The following LCORL variants were observed in gnomAD, a reference collection of about 807,000 sequenced individuals.
LCORL encodes ligand-dependent nuclear receptor corepressor-like protein.
Under a neutral mutation model 141.8 loss-of-function variants are expected in LCORL, and 41 were observed. The ratio of observed to expected loss-of-function variants is 0.29; its 90% CI spans 0.23 to 0.38. The LOEUF is 0.38. Ranked by LOEUF, LCORL falls within the 10% of genes least tolerant of loss-of-function variation. The probability of loss-of-function intolerance (pLI) is 1.00; values close to 1 mark genes in which losing one functional copy is unlikely to be tolerated. For missense variants in LCORL, 1,759 were observed against 2,035.0 expected, an observed-to-expected ratio of 0.86 and a Z score of 2.61; for synonymous variants, 618 against 694.1, an observed-to-expected ratio of 0.89 and a Z score of 1.72.
intron 4 of LCORL, 42 bp downstream of exon 4, chr4:17,961,861 T>C (rs1713859844): frequency 6.4e-7 from 1 of 1,567,656 alleles, no homozygotes; most frequent in South Asian, 1.2e-5. Flanking sequence ...ACATTTTACA[T>C]CTCTATTGCA....
At chr4:17,976,000 C>A (rs945283364) in intron 1 of LCORL, among the ~76,000 whole-genome samples, 1 of 151,884 alleles carries the variant, frequency 6.6e-6, no homozygotes, top group Non-Finnish European at 1.5e-5. Flanking sequence ...TTTTATGTCC[C>A]CTTTGTGAAT....
chr4:17,966,133 A>T (rs918250147), intron 2 of LCORL, among the ~76,000 whole-genome samples: 1 of 152,086 alleles, frequency 6.6e-6, no homozygotes, highest in East Asian at 1.9e-4. Context: ...TCATAATCCC[A>T]TCATCCGTAG....
At chr4:17,893,446 GCAAA>G (rs1729413481) in intron 5 of LCORL, 1 of 985,032 alleles carries the variant, frequency 1.0e-6, no homozygotes, top group Non-Finnish European at 1.2e-6. Context: ...TATAAATTAT[GCAAA>G]CAGTTTACAG....
intron 5 of LCORL, among the ~76,000 whole-genome samples, chr4:17,894,542 C>T (rs1174133494): frequency 6.6e-6 from 1 of 152,002 alleles, no homozygotes; most frequent in Non-Finnish European, 1.5e-5. Flanking sequence ...TTATGAAAAA[C>T]GTTTTCAAGA....
chr4:17,909,086 A>T lies in LCORL; in HGVS notation c.682+8T>A. On this transcript the variant is annotated splice_region_variant and intron_variant, in intron 5 of 7. Coordinates refer to ENST00000635767, the Ensembl canonical transcript of LCORL. Reference sequence around the variant, plus strand: ...AATTATATATTAAATGCACACAAAAAATCTTACCTTGCTGAGTATTTTGTT... The same window carrying T: ...AATTATATATTAAATGCACACAAAATATCTTACCTTGCTGAGTATTTTGTT... 6.3e-7 allele frequency: 1 copy of T among 1,577,076 alleles called. No individual in the cohort carries two copies. Among genetic ancestry groups the T allele is most frequent in the African/African-American group, 1.4e-5 (1 of 73,378 alleles).
At chr4:17,966,854 A>T (rs778533011) in intron 2 of LCORL, among the ~76,000 whole-genome samples, 1 of 152,212 alleles carries the variant, frequency 6.6e-6, no homozygotes, top group Non-Finnish European at 1.5e-5. Flanking sequence ...GAAATGGTAC[A>T]GCTACCATTG....
chr4:17,954,800 G>A (rs776041634), intron 4 of LCORL, among the ~76,000 whole-genome samples: 1 of 152,184 alleles, frequency 6.6e-6, no homozygotes, highest in Non-Finnish European at 1.5e-5. Context: ...CTTTCAGCTT[G>A]ACCAACTGAG....
intron 4 of LCORL, among the ~76,000 whole-genome samples, chr4:17,920,661 C>T (rs1007614294): frequency 6.6e-6 from 1 of 152,224 alleles, no homozygotes; most frequent in Non-Finnish European, 1.5e-5. Flanking sequence ...CTCTCAAACC[C>T]TGCCACTCCT....
At chr4:17,859,379 A>G (rs2109125677) in intron 7 of LCORL, among the ~76,000 whole-genome samples, 1 of 152,322 alleles carries the variant, frequency 6.6e-6, no homozygotes. Flanking sequence ...GTACTAAGAG[A>G]AAAATATGGT....
intron 1 of LCORL, among the ~76,000 whole-genome samples, chr4:17,992,311 C>T (rs1720167915): frequency 1.3e-5 from 2 of 152,112 alleles, no homozygotes; most frequent in Admixed American, 1.3e-4. Flanking sequence ...AACTCACTAT[C>T]CCAAGAACAG....
chr4:17,982,786 A>G (rs1041630648), intron 1 of LCORL, among the ~76,000 whole-genome samples: 1 of 151,920 alleles, frequency 6.6e-6, no homozygotes, highest in African/African-American at 2.4e-5. Context: ...CCATTTGCCA[A>G]TTTTTGTTTT....
chr4:18,005,548 G>A (rs1021868761), intron 1 of LCORL, among the ~76,000 whole-genome samples: 6 of 152,320 alleles, frequency 3.9e-5, no homozygotes, highest in African/African-American at 1.4e-4. Context: ...TTCTCCATGA[G>A]AGCCCAGCCC....
intron 1 of LCORL, among the ~76,000 whole-genome samples, chr4:18,019,638 T>C (rs1029584522): frequency 5.9e-5 from 9 of 152,202 alleles, no homozygotes; most frequent in Non-Finnish European, 1.0e-4. Flanking sequence ...TCTATCTATT[T>C]TTATGATGCA....
At chr4:17,856,880 C>T (rs1724421758) in intron 7 of LCORL, among the ~76,000 whole-genome samples, 1 of 152,170 alleles carries the variant, frequency 6.6e-6, no homozygotes, top group African/African-American at 2.4e-5. Flanking sequence ...CCTAGAAACT[C>T]CTTTCTATCA....
At chr4:17,843,451 T>TAA in exon 8 of LCORL, 1 of 1,607,442 alleles carries the variant, frequency 6.2e-7, no homozygotes, top group Non-Finnish European at 8.5e-7. Context: ...TGGAATCCTT[T>TAA]AAGATTATGT....
intron 1 of LCORL, among the ~76,000 whole-genome samples, chr4:18,011,772 C>T (rs1459781473): frequency 6.6e-6 from 1 of 152,208 alleles, no homozygotes; most frequent in African/African-American, 2.4e-5. Flanking sequence ...AGGTGAGTAG[C>T]TGCAATAGAG....
rs558223733 is a variant in LCORL, at chr4:18,021,392, G to A, written c.154+206C>T. On this transcript the variant is annotated intron_variant, in intron 1 of 7. Coordinates refer to ENST00000635767, the Ensembl canonical transcript of LCORL. This position sits in a 1 kb window ranked among gnomAD's most constrained non-coding sequence, Gnocchi z 5.5. ...TCCCGGGGAGCCCAAGAGCTGGGAAGGCGAAGGAGCGCGGACCGCGCCGGG... is the reference window on the plus strand; with the variant it reads ...TCCCGGGGAGCCCAAGAGCTGGGAAAGCGAAGGAGCGCGGACCGCGCCGGG... Among the ~76,000 whole-genome samples the A allele has an allele frequency of 3.7e-4, 56 of 152,278 alleles. No individual in the cohort carries two copies. In the East Asian group the frequency reaches 7.0e-3, roughly 19 times the overall value.
At chr4:17,936,231 G>C (rs951793009) in intron 4 of LCORL, among the ~76,000 whole-genome samples, 3 of 151,882 alleles carry the variant, frequency 2.0e-5, no homozygotes, top group African/African-American at 4.8e-5. Context: ...TCTTAGTGCA[G>C]ATAATTATAT....
At chr4:17,921,348 T>C (rs1393696786) in intron 4 of LCORL, among the ~76,000 whole-genome samples, 1 of 152,186 alleles carries the variant, frequency 6.6e-6, no homozygotes, top group Non-Finnish European at 1.5e-5. Flanking sequence ...ATGTTCTTAA[T>C]GGCATTTAGT....
Sources: allele counts gnomAD v4.1 joint callset (sites outside exome capture counted in the v4.1 genomes callset), GRCh38; gene constraint gnomAD v4.1.1; non-coding constraint Gnocchi (gnomAD v3.1); transcripts MANE v1.5; gene names NCBI Gene and HGNC (gene_info 2026-07-23, HGNC 2026-07-21).